Variants in KY observed in about 807,000 individuals in gnomAD.
KY encodes the protein kyphoscoliosis peptidase.
In KY, 43 loss-of-function variants were observed where a neutral mutation model predicts 76.1. The ratio of observed to expected loss-of-function variants is 0.57; its 90% CI spans 0.44 to 0.73. The LOEUF (loss-of-function observed/expected upper bound fraction) is 0.73. KY is among the 30% of genes least tolerant of loss of function. The pLI is 0.00. For synonymous variants in KY, 277 were observed against 326.2 expected (o/e 0.85, Z 1.63); for missense variants, 722 against 828.9 (o/e 0.87, Z 1.58).
rs1438701412 is a variant in KY at position 134,601,816 on chromosome 3, T to C, written c.*1763A>G. Among the ~76,000 whole-genome samples, 1 of 152,226 alleles carries C rather than the reference T, an allele frequency of 6.6e-6. No individual in the cohort carries two copies. Among genetic ancestry groups the C allele is most frequent in the Non-Finnish European group, 1.5e-5 (1 of 68,040 alleles). The stretch of plus-strand genomic sequence containing the variant: ...CGTGCTGGGTGGCAGTGGGGACTTT[T>C]AGGGGAGGGATCCCGGGGGATAATG... On this transcript the variant is annotated 3_prime_UTR_variant, in exon 11 of 11. Transcript: ENST00000423778.
At chr3:134,627,185 A>G (rs1359749289) in intron 5 of KY, among the ~76,000 whole-genome samples, 1 of 152,242 alleles carries the variant, frequency 6.6e-6, no homozygotes, top group Non-Finnish European at 1.5e-5. Flanking sequence ...AGATCTAAGT[A>G]TGATTCTACA....
At chr3:134,650,101 C>T (rs968575305) in intron 1 of KY, among the ~76,000 whole-genome samples, 2 of 152,154 alleles carry the variant, frequency 1.3e-5, no homozygotes, top group Admixed American at 6.5e-5. Flanking sequence ...TGTGTTCTGT[C>T]GTCTGGAGAA....
chr3:134,632,167 G>T (rs1442077099), intron 3 of KY, among the ~76,000 whole-genome samples: 3 of 152,030 alleles, frequency 2.0e-5, no homozygotes, highest in Non-Finnish European at 4.4e-5. Flanking sequence ...TACAATTATA[G>T]TTCGAGATTT....
In KY at chr3:134,627,809, C is replaced by A. The variant is rs753472064; in HGVS notation, c.347G>T (p.Gly116Val). ...KKFSLAKRLQ[G>V]DKNGNTRPRQ... Reference sequence around the variant, plus strand: ...GGGTCTTGTGTTTCCATTTTTATCACCTTGTAAACCTACAATATTCCAAAG... The same window carrying A: ...GGGTCTTGTGTTTCCATTTTTATCAACTTGTAAACCTACAATATTCCAAAG... The change falls in exon 5 of 11, where the codon GGT becomes GTT. Residue 116 changes from glycine (G) to valine (V), a missense_variant. Around this residue, in one of 2 missense-constraint regions of KY, gnomAD observed 170 missense variants for 148.1 expected, o/e 1.15. Transcript: ENST00000423778. The A allele has an allele frequency of 6.2e-6, 10 of 1,612,830 alleles. No homozygotes were observed. The highest frequency in any genetic ancestry group is 8.5e-6 in the Non-Finnish European group (10 of 1,178,910).
At chr3:134,640,278 GA>G (rs1965579970) in intron 3 of KY, among the ~76,000 whole-genome samples, 1 of 152,212 alleles carries the variant, frequency 6.6e-6, no homozygotes, top group Admixed American at 6.5e-5. Flanking sequence ...GTCCTGTATG[GA>G]AGAGACAGTA....
chr3:134,605,082 G>C (rs1212167532), intron 10 of KY, among the ~76,000 whole-genome samples: 1 of 152,088 alleles, frequency 6.6e-6, no homozygotes, highest in African/African-American at 2.4e-5. Flanking sequence ...TGAAGAGTCA[G>C]TGTGTGCACA....
chr3:134,619,265 T>C lies in KY; in HGVS notation c.593A>G (p.Glu198Gly). 6.2e-7 allele frequency: 1 copy of C among 1,611,380 alleles called. No individual in the cohort carries two copies. Among genetic ancestry groups the C allele is most frequent in the Non-Finnish European group, 8.5e-7 (1 of 1,177,482 alleles). ...CTCCTGAGCAGCTGCAATGTCATAC[T>C]CTATAGGGCAGGTGAGGGGATCATG... ...AIWIWICHHI[E>G]YDIAAAQEKD... The change falls in exon 8 of 11, where the codon GAG becomes GGG. Residue 198 changes from glutamate (E) to glycine (G), a missense_variant and splice_region_variant. By Grantham distance (98) the Glu-to-Gly change is moderately conservative. This residue lies in a region of KY where 552 missense variants were observed against 680.9 expected (regional missense o/e 0.81). Transcript: ENST00000423778.
intron 3 of KY, among the ~76,000 whole-genome samples, chr3:134,631,460 A>C (rs1184888289): frequency 6.6e-6 from 1 of 152,220 alleles, no homozygotes; most frequent in African/African-American, 2.4e-5. Context: ...GTAAATATCT[A>C]GATAAATATA....
intron 7 of KY, 74 bp from the exon 8 acceptor site, chr3:134,619,339 G>A: frequency 8.8e-7 from 1 of 1,134,216 alleles, no homozygotes; most frequent in African/African-American, 1.5e-5. Context: ...ACCCCCAGCT[G>A]TGCTCTGGCC....
chr3:134,606,854 TA>T (rs967105546), intron 10 of KY: 1 of 906,182 alleles, frequency 1.1e-6, no homozygotes, highest in Non-Finnish European at 1.3e-6. Context: ...GGCACTCTCC[TA>T]GAGCCTGGCA....
Position 134,619,327 on chromosome 3 carries a change from C to T in KY, c.593-62G>A. The stretch of plus-strand genomic sequence containing the variant: ...CCTGGGAGGCGAGAAGACTCCACCC[C>T]AACCCCCAGCTGTGCTCTGGCCATC... On this transcript the variant is annotated intron_variant, in intron 7 of 10. Coordinates refer to ENST00000423778, the MANE Select transcript of KY (RefSeq NM_178554.6). 4 of 1,250,154 alleles carry T rather than the reference C, an allele frequency of 3.2e-6. No homozygotes were observed. In the South Asian group the frequency reaches 4.8e-5, roughly 15 times the overall value. 77.4% of individuals were successfully genotyped at this position (1,250,154 alleles called of 1,614,324 possible).
Position 134,603,320 on chromosome 3 carries a change from A to AT in KY, c.*258_*259insA. ...GCATCTGGATGCAGGTGTACAGTTT[A>AT]CAATACCTTAGATTTACATAGCACC... On this transcript the variant is annotated 3_prime_UTR_variant, in exon 11 of 11. Transcript: ENST00000423778. 1 of 392,438 alleles carries AT rather than the reference A, an allele frequency of 2.5e-6. No individual in the cohort carries two copies. Among genetic ancestry groups the AT allele is most frequent in the Non-Finnish European group, 4.6e-6 (1 of 219,364 alleles). 24.3% of individuals were successfully genotyped at this position (392,438 alleles called of 1,614,324 possible).
intron 7 of KY, among the ~76,000 whole-genome samples, chr3:134,620,264 G>A (rs1212904747): frequency 6.6e-6 from 1 of 152,182 alleles, no homozygotes; most frequent in East Asian, 1.9e-4. Context: ...AGACTGCGCT[G>A]GGACCAGTGG....
At chr3:134,609,218 T>A (rs1959855836) in intron 9 of KY, among the ~76,000 whole-genome samples, 1 of 152,216 alleles carries the variant, frequency 6.6e-6, no homozygotes, top group East Asian at 1.9e-4. Context: ...ACTGCCTCCA[T>A]CTACCCCAAC....
chr3:134,649,349 C>A (rs546598609), intron 1 of KY, among the ~76,000 whole-genome samples: 1 of 152,180 alleles, frequency 6.6e-6, no homozygotes, highest in African/African-American at 2.4e-5. Flanking sequence ...GGCTTCTCTG[C>A]ATTCTTTGCC....
chr3:134,647,068 A>T lies in KY; in HGVS notation c.199+367T>A, dbSNP rs1966527724. 2.0e-5 allele frequency among the ~76,000 whole-genome samples: 3 copies of T among 152,364 alleles called. No homozygotes were observed. In the South Asian group the frequency reaches 6.2e-4, roughly 32 times the overall value. On this transcript the variant is annotated intron_variant, in intron 2 of 10. Coordinates refer to ENST00000423778, the MANE Select transcript of KY (RefSeq NM_178554.6). ...TTCAAGTCATACTGTCCCAAGGCAG[A>T]CGACTATCCTCTCTGTTGGGAAACA...
Position 134,603,987 on chromosome 3 carries a change from C to T in KY, c.1578G>A (p.Gln526=). ...GGGCAAACTTGCCTGCATGGGGCAG[C>T]TGGACTTTCAGCTCGGTCTGCTTCT... ...HREKQTELKV[Q]LPHAGKFALK... is the part of the protein sequence containing the mutation. Residue 526 remains glutamine, a synonymous_variant, in exon 11 of 11, where the codon CAG becomes CAA. Coordinates refer to ENST00000423778, the MANE Select transcript of KY (RefSeq NM_178554.6). The T allele has an allele frequency of 6.2e-7, 1 of 1,613,846 alleles. No individual in the cohort carries two copies. Among genetic ancestry groups the T allele is most frequent in the South Asian group, 1.1e-5 (1 of 91,072 alleles).
chr3:134,623,925 A>G (rs1254632741), intron 6 of KY, among the ~76,000 whole-genome samples: 3 of 151,944 alleles, frequency 2.0e-5, no homozygotes, highest in Non-Finnish European at 4.4e-5. Context: ...CTGCAATATG[A>G]TGCCCGTCCT....
intron 8 of KY, among the ~76,000 whole-genome samples, chr3:134,616,215 G>T (rs1431412942): frequency 6.6e-6 from 1 of 152,198 alleles, no homozygotes; most frequent in Non-Finnish European, 1.5e-5. Flanking sequence ...ACAAGCTATA[G>T]CATTAACCAA....
Sources: allele counts gnomAD v4.1 joint callset (sites outside exome capture counted in the v4.1 genomes callset), GRCh38; gene constraint gnomAD v4.1.1; regional missense constraint gnomAD v4.1.1; transcripts MANE v1.5; gene names NCBI Gene and HGNC (gene_info 2026-07-23, HGNC 2026-07-21).